Variants in CSMD1 observed in about 807,000 individuals in gnomAD.
CSMD1 encodes CUB and Sushi multiple domains 1, also known as CUB and sushi domain-containing protein 1.
In CSMD1, 213 loss-of-function variants were observed where a neutral mutation model predicts 417.5. The ratio of observed to expected loss-of-function variants is 0.51; its 90% confidence interval spans 0.46 to 0.57. CSMD1 has a LOEUF of 0.57. Among genes scored for constraint, CSMD1 ranks in the 20% least tolerant of loss-of-function variants. The pLI is 0.00. For missense variants in CSMD1, 6,923 were observed against 4,529.7 expected (o/e 1.53, Z -15.17); for synonymous variants, 2,862 against 1,736.8 (o/e 1.65, Z -16.11).
intron 26 of CSMD1, among the ~76,000 whole-genome samples, chr8:3,247,465 G>GCTGTCTAC (rs2117010828): frequency 6.6e-6 from 1 of 152,244 alleles, no homozygotes; most frequent in East Asian, 1.9e-4. Context: ...TACAAGCCAA[G>GCTGTCTAC]CTGTCTACCC....
intron 1 of CSMD1, among the ~76,000 whole-genome samples, chr8:4,961,284 C>G (rs1407557246): frequency 6.6e-6 from 1 of 152,052 alleles, no homozygotes; most frequent in Non-Finnish European, 1.5e-5. Context: ...CAAACGCATC[C>G]AAAAATGGAT....
At chr8:4,644,693 G>C (rs1286490858) in intron 1 of CSMD1, among the ~76,000 whole-genome samples, 1 of 152,232 alleles carries the variant, frequency 6.6e-6, no homozygotes, top group Non-Finnish European at 1.5e-5. Flanking sequence ...ACAGGTGTGA[G>C]CCACCATGCC....
intron 5 of CSMD1, among the ~76,000 whole-genome samples, chr8:3,810,488 G>C (rs959144505): frequency 1.3e-5 from 2 of 152,056 alleles, no homozygotes; most frequent in African/African-American, 4.8e-5. Flanking sequence ...GCAGCCTTTG[G>C]GACCTGGGGC....
At chr8:3,741,755 G>A (rs979211696) in intron 6 of CSMD1, among the ~76,000 whole-genome samples, 6 of 152,066 alleles carry the variant, frequency 3.9e-5, no homozygotes, top group Admixed American at 6.5e-5. Flanking sequence ...CCCAGTGGTG[G>A]TTGAATTTAT....
chr8:3,301,813 T>C (rs1480695339), intron 25 of CSMD1, among the ~76,000 whole-genome samples: 1 of 152,130 alleles, frequency 6.6e-6, no homozygotes, highest in African/African-American at 2.4e-5. Context: ...AGGATGGATT[T>C]GGGAAGGTCA....
chr8:4,177,581 G>A (rs1244907432), intron 3 of CSMD1, among the ~76,000 whole-genome samples: 1 of 151,466 alleles, frequency 6.6e-6, no homozygotes, highest in African/African-American at 2.4e-5. Context: ...ACTAAAATCA[G>A]AGCAGAACTG....
intron 5 of CSMD1, among the ~76,000 whole-genome samples, chr8:3,817,941 C>G (rs17067635): frequency 0.038 from 5,838 of 152,266 alleles, 163 homozygotes; most frequent in Non-Finnish European, 0.061. Context: ...CTGGTATTAG[C>G]TAAGTGGATT....
At chr8:3,678,704 T>G (rs1799504430) in intron 7 of CSMD1, among the ~76,000 whole-genome samples, 1 of 151,976 alleles carries the variant, frequency 6.6e-6, no homozygotes, top group Admixed American at 6.6e-5. Context: ...AAGATACTCC[T>G]CGAGAAGAGC....
At chr8:4,449,796 A>C (rs771067021) in intron 2 of CSMD1, among the ~76,000 whole-genome samples, 1 of 152,092 alleles carries the variant, frequency 6.6e-6, no homozygotes, top group East Asian at 1.9e-4. Context: ...GCATTTTTAC[A>C]TAACAGAGCC....
intron 3 of CSMD1, among the ~76,000 whole-genome samples, chr8:4,395,570 A>G (rs1804145660): frequency 1.3e-5 from 2 of 152,044 alleles, no homozygotes; most frequent in South Asian, 4.2e-4. Flanking sequence ...TATCTGAAAG[A>G]AAGGCCAAGA....
chr8:4,392,301 AAGCGGCAGGTTTT>A (rs2128924257), intron 3 of CSMD1, among the ~76,000 whole-genome samples: 1 of 152,300 alleles, frequency 6.6e-6, no homozygotes, highest in Admixed American at 6.5e-5. Flanking sequence ...AATAAAACAC[AAGCGGCAGGTTTT>A]ACCATGGGGA....
At chr8:3,435,303 A>T (rs1370055005) in intron 12 of CSMD1, among the ~76,000 whole-genome samples, 1 of 152,128 alleles carries the variant, frequency 6.6e-6, no homozygotes, top group Non-Finnish European at 1.5e-5. Context: ...TTTCACTGGG[A>T]AAGATGAAGC....
chr8:4,604,407 G>GTA (rs1249214338), intron 2 of CSMD1, among the ~76,000 whole-genome samples: 2 of 106,568 alleles, frequency 1.9e-5, no homozygotes, highest in African/African-American at 5.4e-5. Flanking sequence ...GTGTGTGTGT[G>GTA]TGTGCGCGTG....
intron 6 of CSMD1, among the ~76,000 whole-genome samples, chr8:3,748,484 C>T (rs2129052452): frequency 6.6e-6 from 1 of 152,238 alleles, no homozygotes; most frequent in South Asian, 2.1e-4. Flanking sequence ...GGAATAGGAG[C>T]ACTTGATTTC....
At chr8:3,657,142 T>C (rs960213430) in intron 7 of CSMD1, among the ~76,000 whole-genome samples, 1 of 152,142 alleles carries the variant, frequency 6.6e-6, no homozygotes, top group African/African-American at 2.4e-5. Flanking sequence ...GTCCCTAGCA[T>C]TTGGCTACAA....
intron 48 of CSMD1, among the ~76,000 whole-genome samples, chr8:3,087,681 A>T (rs1814642627): frequency 6.6e-6 from 1 of 152,262 alleles, no homozygotes; most frequent in Non-Finnish European, 1.5e-5. Flanking sequence ...TAATGTTTTA[A>T]GAAAGTTTAC....
chr8:3,299,877 A>G (rs1035569551), intron 25 of CSMD1, among the ~76,000 whole-genome samples: 4 of 152,208 alleles, frequency 2.6e-5, no homozygotes, highest in East Asian at 1.9e-4. Context: ...GAGACGCCCA[A>G]TTTCTATGTA....
intron 29 of CSMD1, among the ~76,000 whole-genome samples, chr8:3,216,688 C>G (rs554211187): frequency 3.3e-5 from 5 of 152,222 alleles, no homozygotes; most frequent in Non-Finnish European, 7.3e-5. Flanking sequence ...TGCCAGGCTT[C>G]TAACTAGATG....
At chr8:3,796,690 T>C (rs964243464) in intron 5 of CSMD1, among the ~76,000 whole-genome samples, 2 of 150,620 alleles carry the variant, frequency 1.3e-5, no homozygotes, top group African/African-American at 4.9e-5. Context: ...ATTGGAAGGT[T>C]AGAAAAGATG....
Sources: gnomAD v4.1 joint callset for allele counts (sites outside exome capture counted in the v4.1 genomes callset) on GRCh38, gnomAD v4.1.1 for gene constraint, MANE v1.5 for transcripts, NCBI Gene and HGNC (gene_info 2026-07-23, HGNC 2026-07-21) for gene names.